The following WDFY4 variants were observed in gnomAD, a reference collection of about 807,000 sequenced individuals.
WDFY4 encodes the protein WD repeat- and FYVE domain-containing protein 4.
WDFY4 carries 169 observed loss-of-function variants against 351.9 expected under a neutral mutation model. That is an observed-to-expected ratio of 0.48 (90% CI 0.42 to 0.55). WDFY4 has a LOEUF of 0.55. WDFY4 is among the 20% of genes least tolerant of loss of function. The pLI, the probability that WDFY4 is intolerant of heterozygous loss-of-function variation, is 0.00. For missense variants in WDFY4, 3,803 were observed against 3,935.6 expected (o/e 0.97, Z 0.90); for synonymous variants, 1,622 against 1,574.6 (o/e 1.03, Z -0.71).
At chr10:48,803,439 G>C in intron 25 of WDFY4, 80 bp downstream of exon 25, 1 of 1,341,812 alleles carries the variant, frequency 7.5e-7, no homozygotes, top group Non-Finnish European at 1.0e-6. Context: ...GTGGCCAGTG[G>C]CTCTTCCCTG....
chr10:48,703,977 A>G (rs2063552780), intron 1 of WDFY4, among the ~76,000 whole-genome samples: 1 of 152,180 alleles, frequency 6.6e-6, no homozygotes, highest in Admixed American at 6.5e-5. Context: ...CTGAGGTCAC[A>G]GGGAATCCCT....
At chr10:48,839,452 G>T (rs2068520729) in intron 39 of WDFY4, among the ~76,000 whole-genome samples, 1 of 152,214 alleles carries the variant, frequency 6.6e-6, no homozygotes, top group Admixed American at 6.5e-5. Flanking sequence ...GACTTTAAGA[G>T]AGGGATTTGG....
rs150907235 is a variant in WDFY4 at position 48,879,201 on chromosome 10, G to A, written c.7167+2002G>A. 3.2e-3 allele frequency among the ~76,000 whole-genome samples: 493 copies of A among 152,284 alleles called. 3 individuals carry two copies. The highest frequency in any genetic ancestry group is 0.011 in the African/African-American group (462 of 41,550). On this transcript the variant is annotated intron_variant, in intron 43 of 61. Transcript: ENST00000325239. ...GCTTTATGCCCTTAAAGGAGCAGCC[G>A]TTCTCAACTGGGGGCAACTCTACCC...
chr10:48,703,844 C>T (rs2063548003), intron 1 of WDFY4, among the ~76,000 whole-genome samples: 1 of 152,200 alleles, frequency 6.6e-6, no homozygotes, highest in African/African-American at 2.4e-5. Flanking sequence ...TGGGTTGTTA[C>T]AATGCAGAGC....
chr10:48,703,369 A>G (rs566299908), intron 1 of WDFY4, among the ~76,000 whole-genome samples: 38 of 152,358 alleles, frequency 2.5e-4, no homozygotes, highest in African/African-American at 9.1e-4. Context: ...AGGCTTCCCC[A>G]GCTCCAAGGC....
intron 29 of WDFY4, 122 bp from the exon 30 acceptor site, chr10:48,811,417 T>C: frequency 1.2e-6 from 1 of 820,078 alleles, no homozygotes; most frequent in Non-Finnish European, 1.9e-6. Flanking sequence ...GTGAATATAT[T>C]TTATCATCCA....
Position 48,821,235 on chromosome 10 carries a change from G to A in WDFY4, c.5824+59G>A, listed in dbSNP as rs1215186668. The A allele has an allele frequency of 3.7e-6, 5 of 1,367,488 alleles. No homozygotes were observed. In the South Asian group the frequency reaches 5.0e-5, roughly 14 times the overall value. The allele number at this position is 1,367,488 out of a possible 1,614,324, so 84.7% of individuals were successfully genotyped here. On this transcript the variant is annotated intron_variant, in intron 34 of 61. Transcript: ENST00000325239. ...ACATGAGGCTGCTGACAGTGGAGAG[G>A]AAACCAGCATGCTGGCCAGGAACTG...
rs896031072 is a variant in WDFY4, at chr10:48,725,823, C to T, written c.592-58C>T. The T allele has an allele frequency of 4.1e-5, 60 of 1,471,178 alleles. No homozygotes were observed. In the African/African-American group the frequency reaches 7.3e-4, roughly 18 times the overall value. 91.1% of individuals were successfully genotyped at this position (1,471,178 alleles called of 1,614,324 possible). A position where few individuals can be genotyped will look rare whatever the true frequency, so the allele number is the denominator to read the frequency against. On this transcript the variant is annotated intron_variant, in intron 5 of 61. Coordinates refer to ENST00000325239, the MANE Select transcript of WDFY4 (RefSeq NM_001394531.1). Reference sequence around the variant, plus strand: ...CCAGAGAAGTAGGGAACAAATCCATCTGAGGAAGGAGACTTCCTAACCAGG... The same window carrying T: ...CCAGAGAAGTAGGGAACAAATCCATTTGAGGAAGGAGACTTCCTAACCAGG...
intron 39 of WDFY4, among the ~76,000 whole-genome samples, chr10:48,864,451 T>C (rs1376125010): frequency 1.3e-5 from 2 of 152,240 alleles, no homozygotes; most frequent in Non-Finnish European, 2.9e-5. Context: ...TATCTATTCT[T>C]ATGCCAGTGC....
chr10:48,817,131 G>A, intron 31 of WDFY4, 114 bp from the exon 32 acceptor site: 5 of 1,237,996 alleles, frequency 4.0e-6, no homozygotes, highest in Admixed American at 2.3e-5. Flanking sequence ...CTTAAATAAT[G>A]TATCTTGTTG....
chr10:48,974,612 G>T (rs1357591353), intron 57 of WDFY4, among the ~76,000 whole-genome samples: 3 of 149,946 alleles, frequency 2.0e-5, no homozygotes, highest in Non-Finnish European at 4.4e-5. Context: ...CCTCTGGTTG[G>T]GTTATAAGTA....
intron 6 of WDFY4, among the ~76,000 whole-genome samples, chr10:48,726,481 G>A (rs2064271577): frequency 6.6e-6 from 1 of 152,206 alleles, no homozygotes; most frequent in Non-Finnish European, 1.5e-5. Context: ...ACCTAGTTAG[G>A]AAGAGAATGC....
intron 18 of WDFY4, 87 bp from the exon 19 acceptor site, chr10:48,779,854 T>C (rs1311711298): frequency 8.9e-6 from 13 of 1,463,594 alleles, no homozygotes; most frequent in African/African-American, 1.4e-5. Context: ...GGCCCAGTGG[T>C]TGACGTCCGC....
chr10:48,715,449 T>C (rs984659821), intron 2 of WDFY4, among the ~76,000 whole-genome samples: 1 of 152,148 alleles, frequency 6.6e-6, no homozygotes, highest in Non-Finnish European at 1.5e-5. Flanking sequence ...TGTATTTTGG[T>C]GTTTGTGTGT....
intron 44 of WDFY4, among the ~76,000 whole-genome samples, chr10:48,891,186 A>T (rs1241993185): frequency 6.6e-6 from 1 of 152,206 alleles, no homozygotes; most frequent in East Asian, 1.9e-4. Context: ...TTCAGGGTTC[A>T]GGCTTGGAGG....
At position 48,725,976 on chromosome 10, in the gene WDFY4, G is replaced by A. The variant is rs1452028562; in HGVS notation, c.687G>A (p.Arg229=). Residue 229 remains arginine, a synonymous_variant, in exon 6 of 62, where the codon CGG becomes CGA. Transcript: ENST00000325239. ...TGCTGATTGCCACGACCTGCCTTCG[G>A]GAGCACAGCTGCTGCTTCTGGAAGG... The part of the protein sequence containing the change: ...QSLLIATTCL[R]EHSCCFWKEP... 4 of 1,551,740 alleles carry A rather than the reference G, an allele frequency of 2.6e-6. No homozygotes were observed. The highest frequency in any genetic ancestry group is 3.5e-6 in the Non-Finnish European group (4 of 1,147,008).
At chr10:48,764,695 T>C (rs773938499) in intron 13 of WDFY4, among the ~76,000 whole-genome samples, 5 of 152,220 alleles carry the variant, frequency 3.3e-5, no homozygotes, top group Non-Finnish European at 7.3e-5. Flanking sequence ...TTAGCAGAGG[T>C]TGGAGCCAGA....
chr10:48,913,642 G>A (rs774315331), intron 47 of WDFY4: 1 of 1,613,918 alleles, frequency 6.2e-7, no homozygotes, highest in Middle Eastern at 1.6e-4. Context: ...TTTATGTTGA[G>A]CTTTTTCAGC....
At chr10:48,749,721 G>C (rs2065122644) in intron 12 of WDFY4, among the ~76,000 whole-genome samples, 1 of 152,154 alleles carries the variant, frequency 6.6e-6, no homozygotes, top group East Asian at 1.9e-4. Context: ...GAGCTAGGGT[G>C]GTCTCTGTGC....
Sources: gnomAD v4.1 joint callset for allele counts (sites outside exome capture counted in the v4.1 genomes callset) on GRCh38, gnomAD v4.1.1 for gene constraint, MANE v1.5 for transcripts, NCBI Gene and HGNC (gene_info 2026-07-23, HGNC 2026-07-21) for gene names.